The following IL1RAPL2 variants were observed in gnomAD, a reference collection of about 807,000 sequenced individuals.
IL1RAPL2 encodes interleukin 1 receptor accessory protein like 2, also known as X-linked interleukin-1 receptor accessory protein-like 2.
Under a neutral mutation model 44.1 loss-of-function variants are expected in IL1RAPL2, and 3 were observed. That is an observed-to-expected ratio of 0.07 (90% confidence interval 0.03 to 0.18). IL1RAPL2 has a LOEUF of 0.18. Among genes scored for constraint, IL1RAPL2 ranks in the 10% least tolerant of loss-of-function variants. The probability of loss-of-function intolerance (pLI) is 1.00; values close to 1 mark genes in which losing one functional copy is unlikely to be tolerated. For missense variants in IL1RAPL2, 391 were observed against 496.4 expected (o/e 0.79, Z 2.02); for synonymous variants, 181 against 178.8 (o/e 1.01, Z -0.10).
chrX:105,353,572 T>C (rs777665972), intron 5 of IL1RAPL2, among the ~76,000 whole-genome samples: 24 of 111,873 alleles, frequency 2.1e-4, no homozygotes, highest in African/African-American at 7.5e-4. Flanking sequence ...GAGCATGGAA[T>C]GTTCTTCCAT....
intron 2 of IL1RAPL2, among the ~76,000 whole-genome samples, chrX:105,164,555 G>T (rs1322331603): frequency 2.7e-5 from 3 of 112,109 alleles, no homozygotes; most frequent in Non-Finnish European, 5.6e-5. Flanking sequence ...AAAGGAACAG[G>T]GCAAGAACAA....
chrX:105,614,301 G>A (rs1199667512), intron 6 of IL1RAPL2, among the ~76,000 whole-genome samples: 1 of 111,800 alleles, frequency 8.9e-6, no homozygotes, highest in Non-Finnish European at 1.9e-5. Context: ...AAATACCAAT[G>A]ACATTCTTCA....
At chrX:105,146,830 A>G (rs966181905) in intron 2 of IL1RAPL2, among the ~76,000 whole-genome samples, 1 of 111,931 alleles carries the variant, frequency 8.9e-6, no homozygotes, top group African/African-American at 3.2e-5. Flanking sequence ...GGCAGAAGTT[A>G]TAGGCAAAGT....
chrX:105,573,194 G>A (rs2037027406), intron 6 of IL1RAPL2, among the ~76,000 whole-genome samples: 1 of 111,033 alleles, frequency 9.0e-6, no homozygotes, highest in Non-Finnish European at 1.9e-5. Context: ...GAGTAGCTGG[G>A]ACCACAGGCA....
At chrX:105,235,296 A>T (rs914099440) in intron 4 of IL1RAPL2, among the ~76,000 whole-genome samples, 9 of 111,914 alleles carry the variant, frequency 8.0e-5, no homozygotes, top group Non-Finnish European at 1.5e-4. Flanking sequence ...CTTGTAACAG[A>T]ACTAAGTCAA....
At chrX:105,631,255 T>C (rs114232782) in intron 6 of IL1RAPL2, among the ~76,000 whole-genome samples, 1,200 of 111,808 alleles carry the variant, frequency 0.011, 24 homozygotes, top group African/African-American at 0.037. Flanking sequence ...TTCAGGCAAA[T>C]AGGAGATGCC....
chrX:105,110,805 C>T (rs961107689), intron 2 of IL1RAPL2, among the ~76,000 whole-genome samples: 3 of 110,524 alleles, frequency 2.7e-5, no homozygotes, highest in South Asian at 3.9e-4. Flanking sequence ...GGCATGGTAG[C>T]GTACACCTGT....
intron 2 of IL1RAPL2, among the ~76,000 whole-genome samples, chrX:105,044,168 G>C (rs1204585790): frequency 1.8e-5 from 2 of 111,141 alleles, no homozygotes; most frequent in African/African-American, 6.5e-5. Flanking sequence ...GCATCTGAGA[G>C]ATTCAGTGGG....
intron 2 of IL1RAPL2, among the ~76,000 whole-genome samples, chrX:105,118,303 TA>T (rs1316798447): frequency 8.9e-6 from 1 of 112,296 alleles, no homozygotes; most frequent in East Asian, 2.8e-4. Context: ...TCAGCCCCAG[TA>T]GCTGAAAAAA....
intron 5 of IL1RAPL2, among the ~76,000 whole-genome samples, chrX:105,412,852 A>G (rs1244876543): frequency 8.9e-6 from 1 of 112,421 alleles, no homozygotes; most frequent in Non-Finnish European, 1.9e-5. Flanking sequence ...ATTCTGATGA[A>G]GAAAAATATA....
At chrX:105,206,215 A>G (rs1250007553) in intron 3 of IL1RAPL2, among the ~76,000 whole-genome samples, 1 of 111,623 alleles carries the variant, frequency 9.0e-6, no homozygotes, top group Non-Finnish European at 1.9e-5. Flanking sequence ...CACTCCATAC[A>G]TTATCTCTTA....
chrX:105,213,327 G>T, intron 3 of IL1RAPL2, among the ~76,000 whole-genome samples: 1 of 108,677 alleles, frequency 9.2e-6, no homozygotes, highest in Non-Finnish European at 1.9e-5. Context: ...ACTTTGTGAA[G>T]CATACACAAG....
intron 2 of IL1RAPL2, among the ~76,000 whole-genome samples, chrX:104,998,372 TG>T (rs1176756270): frequency 1.8e-5 from 2 of 110,995 alleles, no homozygotes; most frequent in Non-Finnish European, 3.8e-5. Flanking sequence ...AGACAGTGAA[TG>T]TGACAACTTT....
At chrX:104,946,679 T>A (rs1454101567) in intron 2 of IL1RAPL2, among the ~76,000 whole-genome samples, 2 of 100,382 alleles carry the variant, frequency 2.0e-5, no homozygotes, top group Non-Finnish European at 4.0e-5. Flanking sequence ...GGTTTTTAGT[T>A]CTTGCAATAG....
At chrX:105,637,167 T>A (rs1258027147) in intron 6 of IL1RAPL2, among the ~76,000 whole-genome samples, 2 of 111,467 alleles carry the variant, frequency 1.8e-5, no homozygotes, top group African/African-American at 6.5e-5. Context: ...AAGGAATAGC[T>A]ACCTCTTTAT....
chrX:104,615,338 C>G (rs1286786207), intron 1 of IL1RAPL2, among the ~76,000 whole-genome samples: 3 of 110,970 alleles, frequency 2.7e-5, no homozygotes, highest in Admixed American at 9.6e-5. Flanking sequence ...GGTATTAAGC[C>G]TAGCATGCAT....
At chrX:104,626,423 A>G (rs1383390634) in intron 1 of IL1RAPL2, among the ~76,000 whole-genome samples, 1 of 109,996 alleles carries the variant, frequency 9.1e-6, no homozygotes, top group Non-Finnish European at 1.9e-5. Flanking sequence ...TATTTTACCA[A>G]TGTCCTAACA....
At chrX:105,468,157 T>G (rs774384880) in intron 5 of IL1RAPL2, among the ~76,000 whole-genome samples, 14 of 112,277 alleles carry the variant, frequency 1.2e-4, no homozygotes, top group Non-Finnish European at 2.3e-4. Context: ...TCTTAAAGTT[T>G]CATCATCTTT....
chrX:105,310,023 C>T (rs1213012107), intron 5 of IL1RAPL2, among the ~76,000 whole-genome samples: 1 of 111,049 alleles, frequency 9.0e-6, no homozygotes, highest in Non-Finnish European at 1.9e-5. Context: ...GTGATCCCTC[C>T]AACTCTTTTA....
Sources: gnomAD v4.1 joint callset for allele counts (sites outside exome capture counted in the v4.1 genomes callset) on GRCh38, gnomAD v4.1.1 for gene constraint, MANE v1.5 for transcripts, NCBI Gene and HGNC (gene_info 2026-07-23, HGNC 2026-07-21) for gene names.